Variants in MECOM observed in about 807,000 individuals in gnomAD.
MECOM encodes the protein MDS1 and EVI1 complex locus, also known as histone-lysine N-methyltransferase MECOM.
A neutral mutation model predicts 116.3 loss-of-function variants in MECOM; 13 were observed. The ratio of observed to expected loss-of-function variants is 0.11; its 90% CI spans 0.07 to 0.18. MECOM has a LOEUF of 0.18. Ranked by LOEUF, MECOM falls within the 10% of genes least tolerant of loss-of-function variation. The pLI is 1.00. For synonymous variants in MECOM, 528 were observed against 535.2 expected (o/e 0.99, Z 0.19); for missense variants, 1,299 against 1,509.0 (o/e 0.86, Z 2.31).
At chr3:169,476,795 C>T in intron 1 of MECOM, 1 of 151,684 alleles carries the variant, frequency 6.6e-6, no homozygotes. Flanking sequence ...TGAGATTACC[C>T]TTGTGAAGCC....
chr3:169,220,785 C>CT (rs1392089209), intron 2 of MECOM, among the ~76,000 whole-genome samples: 1 of 152,090 alleles, frequency 6.6e-6, no homozygotes, highest in Admixed American at 6.6e-5. Context: ...ATAAGCTACA[C>CT]TTTTTTCTTA....
At chr3:169,656,392 G>T (rs1027336917) in intron 1 of MECOM, among the ~76,000 whole-genome samples, 25 of 152,038 alleles carry the variant, frequency 1.6e-4, no homozygotes, top group African/African-American at 5.8e-4. Context: ...CAAGCCAAAA[G>T]CACGTTTGCT....
intron 1 of MECOM, among the ~76,000 whole-genome samples, chr3:169,521,798 G>A (rs1023198114): frequency 1.3e-5 from 2 of 152,092 alleles, no homozygotes; most frequent in African/African-American, 2.4e-5. Context: ...TCATATCCGT[G>A]GGTTCCATAT....
chr3:169,502,723 A>G (rs927777129), intron 1 of MECOM, among the ~76,000 whole-genome samples: 5 of 152,140 alleles, frequency 3.3e-5, no homozygotes, highest in African/African-American at 4.8e-5. Flanking sequence ...GTTCAACATC[A>G]TTATAGGAGT....
At chr3:169,543,667 G>A (rs1466223450) in intron 1 of MECOM, among the ~76,000 whole-genome samples, 1 of 152,064 alleles carries the variant, frequency 6.6e-6, no homozygotes, top group Non-Finnish European at 1.5e-5. Flanking sequence ...GATAAAATGT[G>A]TTCATTTTAT....
intron 1 of MECOM, among the ~76,000 whole-genome samples, chr3:169,433,309 A>G (rs557775904): frequency 6.6e-6 from 1 of 152,094 alleles, no homozygotes; most frequent in South Asian, 2.1e-4. Flanking sequence ...CTCTACTAAA[A>G]CTACAAAAAT....
chr3:169,118,251 T>C (rs903051704), intron 7 of MECOM, among the ~76,000 whole-genome samples: 20 of 152,222 alleles, frequency 1.3e-4, no homozygotes, highest in African/African-American at 4.8e-4. Context: ...AGTGTATTGT[T>C]GCATATATCA....
intron 2 of MECOM, among the ~76,000 whole-genome samples, chr3:169,188,901 G>A (rs1344865474): frequency 1.3e-5 from 2 of 152,058 alleles, no homozygotes; most frequent in Non-Finnish European, 2.9e-5. Context: ...CAAAGGCTGT[G>A]ATGAAGTTGC....
chr3:169,154,975 T>A (rs918492276), intron 2 of MECOM, among the ~76,000 whole-genome samples: 1 of 152,194 alleles, frequency 6.6e-6, no homozygotes, highest in Non-Finnish European at 1.5e-5. Context: ...AGTTCTTCCT[T>A]ACTTACAGGT....
Position 169,257,098 on chromosome 3 carries a change from T to C in MECOM, c.376-113266A>G, listed in dbSNP as rs186706799. Among the ~76,000 whole-genome samples the C allele has an allele frequency of 1.8e-4, 27 of 152,326 alleles. No homozygotes were observed. In the East Asian group the frequency reaches 5.0e-3, roughly 28 times the overall value. On this transcript the variant is annotated intron_variant, in intron 2 of 16. Coordinates refer to ENST00000651503, the MANE Select transcript of MECOM (RefSeq NM_004991.4). Reference sequence around the variant, plus strand: ...TTGGTTTTTCGAAAATACTGTAGTTTTTTAAAAATTCAATTAAAATAATAT... The same window carrying C: ...TTGGTTTTTCGAAAATACTGTAGTTCTTTAAAAATTCAATTAAAATAATAT...
chr3:169,378,489 G>C (rs9817539), intron 2 of MECOM, among the ~76,000 whole-genome samples: 1 of 30,264 alleles, frequency 3.3e-5, no homozygotes, highest in Non-Finnish European at 5.1e-5. Flanking sequence ...AAGAGAGAGA[G>C]AAAGAAAGAA....
At chr3:169,289,689 G>A (rs1714112463) in intron 2 of MECOM, among the ~76,000 whole-genome samples, 2 of 152,082 alleles carry the variant, frequency 1.3e-5, no homozygotes, top group African/African-American at 2.4e-5. Context: ...ATTACCACTT[G>A]GCTAAAAAAA....
intron 4 of MECOM, 96 bp downstream of exon 4, chr3:169,131,333 G>A: frequency 9.2e-7 from 1 of 1,087,114 alleles, no homozygotes; most frequent in East Asian, 2.4e-5. Context: ...GAAAAGCCAG[G>A]GAAACTAACA....
intron 1 of MECOM, among the ~76,000 whole-genome samples, chr3:169,434,136 T>C (rs1348971140): frequency 6.6e-6 from 1 of 152,214 alleles, no homozygotes; most frequent in Admixed American, 6.5e-5. Context: ...TAAAATTCAG[T>C]TAATTTAAAA....
intron 1 of MECOM, among the ~76,000 whole-genome samples, chr3:169,396,210 C>T (rs1260972007): frequency 6.6e-6 from 1 of 152,128 alleles, no homozygotes; most frequent in Non-Finnish European, 1.5e-5. Flanking sequence ...AACCATAGAT[C>T]CAAGCCAATT....
At chr3:169,435,854 C>T (rs1315429753) in intron 1 of MECOM, among the ~76,000 whole-genome samples, 1 of 152,070 alleles carries the variant, frequency 6.6e-6, no homozygotes, top group Non-Finnish European at 1.5e-5. Flanking sequence ...CAGTAAAGTG[C>T]CATTATAAAC....
intron 1 of MECOM, among the ~76,000 whole-genome samples, chr3:169,381,901 G>T (rs1404024461): frequency 6.6e-6 from 1 of 152,158 alleles, no homozygotes; most frequent in Non-Finnish European, 1.5e-5. Flanking sequence ...GAGCTGACAG[G>T]ATTCTAAAAT....
intron 2 of MECOM, among the ~76,000 whole-genome samples, chr3:169,184,652 T>C (rs1162713183): frequency 6.6e-6 from 1 of 152,148 alleles, no homozygotes; most frequent in East Asian, 1.9e-4. Flanking sequence ...AGTGCTACTC[T>C]TTAAGGCGTC....
At chr3:169,593,297 A>G (rs918943055) in intron 1 of MECOM, among the ~76,000 whole-genome samples, 2 of 152,120 alleles carry the variant, frequency 1.3e-5, no homozygotes, top group African/African-American at 4.8e-5. Flanking sequence ...AGGGAAATTA[A>G]TTTTTTCAAG....
Sources: allele counts gnomAD v4.1 joint callset (sites outside exome capture counted in the v4.1 genomes callset), GRCh38; gene constraint gnomAD v4.1.1; transcripts MANE v1.5; gene names NCBI Gene and HGNC (gene_info 2026-07-23, HGNC 2026-07-21).